Variants in PARVA observed in about 807,000 individuals in gnomAD.
PARVA encodes parvin alpha.
PARVA carries 25 observed loss-of-function variants against 52.6 expected under a neutral mutation model. The observed-to-expected ratio is 0.48, with a 90% CI of 0.35 to 0.66. The LOEUF (loss-of-function observed/expected upper bound fraction) is 0.66, where lower values mean the gene tolerates loss of function less well. Among genes scored for constraint, PARVA ranks in the 30% least tolerant of loss-of-function variants. The pLI, the probability that PARVA is intolerant of heterozygous loss-of-function variation, is 0.01. For synonymous variants in PARVA, 185 were observed against 179.1 expected (o/e 1.03, Z -0.26); for missense variants, 373 against 450.9 (o/e 0.83, Z 1.56).
chr11:12,377,968 C>T (rs1939427139), intron 1 of PARVA, among the ~76,000 whole-genome samples, 185 bp downstream of exon 1: 1 of 148,182 alleles, frequency 6.7e-6, no homozygotes, highest in Non-Finnish European at 1.5e-5. Context: ...CACACTGAGC[C>T]CGGGGCTCGC....
intron 1 of PARVA, among the ~76,000 whole-genome samples, chr11:12,422,411 T>C (rs3812759): frequency 0.18 from 28,115 of 152,228 alleles, 4,626 homozygotes; most frequent in African/African-American, 0.44. Context: ...AGTTCCATAT[T>C]GTTAGACAAC....
At chr11:12,469,106 T>G (rs1940895467) in intron 1 of PARVA, among the ~76,000 whole-genome samples, 1 of 152,210 alleles carries the variant, frequency 6.6e-6, no homozygotes, top group Non-Finnish European at 1.5e-5. Context: ...CAATGTCAGC[T>G]ATACCCTTGT....
At chr11:12,446,052 C>T (rs1299956282) in intron 1 of PARVA, among the ~76,000 whole-genome samples, 3 of 144,994 alleles carry the variant, frequency 2.1e-5, no homozygotes, top group Non-Finnish European at 4.6e-5. Flanking sequence ...AAAAAAAATA[C>T]ACACCTTTTT....
At chr11:12,506,139 A>G (rs982555072) in intron 6 of PARVA, among the ~76,000 whole-genome samples, 3 of 152,116 alleles carry the variant, frequency 2.0e-5, no homozygotes, top group Non-Finnish European at 4.4e-5. Context: ...CTTCCTCTCA[A>G]TTTTGCTGTG....
In PARVA at chr11:12,377,589, T is replaced by C. The variant is rs1041206542; in HGVS notation, c.-59T>C. The stretch of plus-strand genomic sequence containing the variant: ...CAGCCTCAGTCCCGCCGCCGCCCGC[T>C]GCGTCCGCCCAGCGCCAGCTCCGCG... On this transcript the variant is annotated 5_prime_UTR_variant, in exon 1 of 13. Coordinates refer to ENST00000334956, the MANE Select transcript of PARVA (RefSeq NM_018222.5). The C allele has an allele frequency of 1.3e-6, 2 of 1,505,186 alleles. No homozygotes were observed. The highest frequency in any genetic ancestry group is 1.8e-6 in the Non-Finnish European group (2 of 1,130,008). The allele number at this position is 1,505,186 out of a possible 1,614,324, so 93.2% of individuals were successfully genotyped here.
At chr11:12,442,812 A>C (rs944860837) in intron 1 of PARVA, among the ~76,000 whole-genome samples, 1 of 152,032 alleles carries the variant, frequency 6.6e-6, no homozygotes, top group African/African-American at 2.4e-5. Context: ...AAGCCATGGG[A>C]CAACGTGGGA....
At chr11:12,519,804 C>T (rs1279485184) in intron 12 of PARVA, among the ~76,000 whole-genome samples, 2 of 152,168 alleles carry the variant, frequency 1.3e-5, no homozygotes, top group African/African-American at 2.4e-5. Flanking sequence ...TGTCCTAAGC[C>T]CCTGGTCAAC....
intron 4 of PARVA, among the ~76,000 whole-genome samples, chr11:12,493,358 A>G (rs1181175558): frequency 6.8e-6 from 1 of 147,262 alleles, no homozygotes; most frequent in Admixed American, 6.8e-5. Flanking sequence ...TCCATCTCAA[A>G]AAAAAAAAAA....
At chr11:12,522,183 C>T (rs1941645419) in intron 12 of PARVA, among the ~76,000 whole-genome samples, 2 of 152,084 alleles carry the variant, frequency 1.3e-5, no homozygotes, top group African/African-American at 4.8e-5. Context: ...GTGTACATCC[C>T]AGTAGACTAG....
chr11:12,384,591 A>G (rs375702863), intron 1 of PARVA, among the ~76,000 whole-genome samples: 3 of 152,186 alleles, frequency 2.0e-5, no homozygotes, highest in African/African-American at 7.2e-5. Flanking sequence ...ATTAAGTAGG[A>G]TGGCTAGAGA....
At chr11:12,458,330 C>A (rs1470514568) in intron 1 of PARVA, among the ~76,000 whole-genome samples, 3 of 152,232 alleles carry the variant, frequency 2.0e-5, no homozygotes, top group Non-Finnish European at 4.4e-5. Flanking sequence ...GTGAGCTGCC[C>A]AGCCAGCATG....
At chr11:12,441,473 CG>C (rs990484081) in intron 1 of PARVA, among the ~76,000 whole-genome samples, 2 of 151,944 alleles carry the variant, frequency 1.3e-5, no homozygotes, top group Non-Finnish European at 2.9e-5. Context: ...AGAATACATT[CG>C]GGGGTAATTG....
intron 1 of PARVA, among the ~76,000 whole-genome samples, chr11:12,445,716 C>T (rs537123434): frequency 6.6e-6 from 1 of 152,184 alleles, no homozygotes; most frequent in East Asian, 1.9e-4. Flanking sequence ...TTGATAGGGG[C>T]TGAAAAAAGC....
intron 1 of PARVA, among the ~76,000 whole-genome samples, chr11:12,450,182 ATAATAGTAG>A (rs1940604104): frequency 6.6e-6 from 1 of 152,248 alleles, no homozygotes; most frequent in Non-Finnish European, 1.5e-5. Context: ...AGTACTAAGA[ATAATAGTAG>A]TACCAGTAGA....
intron 1 of PARVA, among the ~76,000 whole-genome samples, chr11:12,404,671 C>T (rs1055116249): frequency 2.6e-5 from 4 of 152,182 alleles, no homozygotes; most frequent in Admixed American, 2.0e-4. Flanking sequence ...TGAATTTGGC[C>T]CCATTTAGGG....
At chr11:12,480,629 T>C (rs1334098668) in intron 4 of PARVA, 1 of 152,088 alleles carries the variant, frequency 6.6e-6, no homozygotes, top group African/African-American at 2.4e-5. Context: ...AGGCATTGCG[T>C]ACAAGCAGAT....
At position 12,532,417 on chromosome 11, in the gene PARVA, C is replaced by A. The variant is rs1941783770; in HGVS notation, c.*4492C>A. 6.6e-6 allele frequency among the ~76,000 whole-genome samples: 1 copy of A among 152,106 alleles called. No homozygotes were observed. The highest frequency in any genetic ancestry group is 6.5e-5 in the Admixed American group (1 of 15,268). On this transcript the variant is annotated 3_prime_UTR_variant, in exon 13 of 13. Transcript: ENST00000334956. Reference sequence around the variant, plus strand: ...AAGACGGGGTACGATGGGTCCCAATCTTGTTTGATCACAGGATGTATCTGT... The same window carrying A: ...AAGACGGGGTACGATGGGTCCCAATATTGTTTGATCACAGGATGTATCTGT...
intron 1 of PARVA, among the ~76,000 whole-genome samples, chr11:12,386,045 A>G (rs1039509025): frequency 1.3e-5 from 2 of 151,922 alleles, no homozygotes; most frequent in Non-Finnish European, 2.9e-5. Context: ...CAAAATTTTT[A>G]CTCTTATTTT....
Position 12,533,510 on chromosome 11 carries a change from T to A in PARVA, c.*5585T>A, listed in dbSNP as rs901550988. On this transcript the variant is annotated 3_prime_UTR_variant, in exon 13 of 13. Transcript: ENST00000334956. Reference sequence around the variant, plus strand: ...TTTCACAATGTTTGGTGAAACAACTTTCATATGAAAGTACGGTTGATCCTT... The same window carrying A: ...TTTCACAATGTTTGGTGAAACAACTATCATATGAAAGTACGGTTGATCCTT... Among the ~76,000 whole-genome samples, 20 of 152,136 alleles carry A rather than the reference T, an allele frequency of 1.3e-4. No homozygotes were observed. Among genetic ancestry groups the A allele is most frequent in the African/African-American group, 4.8e-4 (20 of 41,426 alleles).
Sources: allele counts gnomAD v4.1 joint callset (sites outside exome capture counted in the v4.1 genomes callset), GRCh38; gene constraint gnomAD v4.1.1; transcripts MANE v1.5; gene names NCBI Gene and HGNC (gene_info 2026-07-23, HGNC 2026-07-21).